The following PCDH9 variants were observed in gnomAD, a reference collection of about 807,000 sequenced individuals.
PCDH9 encodes the protein protocadherin 9, also known as protocadherin-9.
In PCDH9, 24 loss-of-function variants were observed where a neutral mutation model predicts 70.6. That is an observed-to-expected ratio of 0.34 (90% CI 0.25 to 0.48). The LOEUF (loss-of-function observed/expected upper bound fraction) is 0.48. Ranked by LOEUF, PCDH9 falls within the 20% of genes least tolerant of loss-of-function variation. The pLI, the probability that PCDH9 is intolerant of heterozygous loss-of-function variation, is 0.99. For missense variants in PCDH9, 1,281 were observed against 1,503.6 expected, an observed-to-expected ratio of 0.85 and a Z score of 2.45; for synonymous variants, 562 against 558.5, an observed-to-expected ratio of 1.01 and a Z score of -0.09.
intron 2 of PCDH9, among the ~76,000 whole-genome samples, chr13:66,926,119 C>T (rs2082714059): frequency 6.6e-6 from 1 of 151,862 alleles, no homozygotes; most frequent in African/African-American, 2.4e-5. Flanking sequence ...ACAACTTCTC[C>T]TGTTCCCTTT....
chr13:66,919,716 A>G (rs918952803), intron 2 of PCDH9, among the ~76,000 whole-genome samples: 5 of 151,102 alleles, frequency 3.3e-5, no homozygotes, highest in Non-Finnish European at 7.4e-5. Context: ...AGCAAGTGAT[A>G]AAACACTTAG....
intron 2 of PCDH9, among the ~76,000 whole-genome samples, chr13:67,170,957 G>A (rs1232026174): frequency 2.0e-5 from 3 of 151,986 alleles, no homozygotes; most frequent in Admixed American, 6.6e-5. Flanking sequence ...GAACCATGGA[G>A]AGAATTAAAA....
intron 3 of PCDH9, among the ~76,000 whole-genome samples, chr13:66,640,837 G>C (rs2077699306): frequency 6.6e-6 from 1 of 151,998 alleles, no homozygotes; most frequent in South Asian, 2.1e-4. Flanking sequence ...AACTGATCTT[G>C]TGTCACACAA....
intron 3 of PCDH9, among the ~76,000 whole-genome samples, chr13:66,865,017 C>A (rs1010603237): frequency 6.6e-6 from 1 of 152,090 alleles, no homozygotes; most frequent in African/African-American, 2.4e-5. Flanking sequence ...AAATCAAATT[C>A]TTCTCATTAA....
At chr13:67,116,839 C>CT (rs2086786486) in intron 2 of PCDH9, among the ~76,000 whole-genome samples, 1 of 152,122 alleles carries the variant, frequency 6.6e-6, no homozygotes, top group African/African-American at 2.4e-5. Context: ...ACAAACGCAC[C>CT]TTACAAATGC....
chr13:66,486,997 T>A (rs553616987), intron 4 of PCDH9, among the ~76,000 whole-genome samples: 2 of 152,238 alleles, frequency 1.3e-5, no homozygotes, highest in African/African-American at 4.8e-5. Flanking sequence ...ATACATAATT[T>A]TTTTTCACAT....
chr13:66,392,190 G>GA (rs34117132), intron 4 of PCDH9, among the ~76,000 whole-genome samples: 48 of 149,030 alleles, frequency 3.2e-4, no homozygotes, highest in African/African-American at 9.6e-4. Flanking sequence ...AGTGACTGGA[G>GA]AAAAAAAAAT....
intron 2 of PCDH9, among the ~76,000 whole-genome samples, chr13:67,098,815 A>G (rs1187300987): frequency 6.6e-6 from 1 of 152,160 alleles, no homozygotes; most frequent in Non-Finnish European, 1.5e-5. Context: ...AGAAAAGAAA[A>G]TAAACCAGTG....
chr13:66,823,005 A>G (rs771465676), intron 3 of PCDH9, among the ~76,000 whole-genome samples: 29 of 152,126 alleles, frequency 1.9e-4, no homozygotes, highest in Non-Finnish European at 2.9e-4. Context: ...ATTTTAATAG[A>G]TACAAATATT....
intron 4 of PCDH9, 51 bp downstream of exon 4, chr13:66,631,159 A>G (rs140557208): frequency 2.3e-4 from 202 of 883,854 alleles, no homozygotes; most frequent in Non-Finnish European, 3.6e-4. Context: ...GCTCAAGTGC[A>G]CTACAAAACC....
At chr13:66,440,454 A>G (rs1957951476) in intron 4 of PCDH9, among the ~76,000 whole-genome samples, 1 of 152,136 alleles carries the variant, frequency 6.6e-6, no homozygotes, top group Admixed American at 6.5e-5. Flanking sequence ...TGTGTAAAAA[A>G]TCTGTAATGA....
chr13:66,486,150 T>C (rs1451458377), intron 4 of PCDH9, among the ~76,000 whole-genome samples: 1 of 152,002 alleles, frequency 6.6e-6, no homozygotes, highest in African/African-American at 2.4e-5. Flanking sequence ...GACTAAAGAG[T>C]TTCAGTTGAG....
intron 2 of PCDH9, among the ~76,000 whole-genome samples, chr13:67,180,548 CT>C (rs2088588681): frequency 6.6e-6 from 1 of 152,126 alleles, no homozygotes; most frequent in South Asian, 2.1e-4. Flanking sequence ...CCCTAATTCA[CT>C]TTTTGTTATT....
chr13:66,830,210 A>G (rs566388656), intron 3 of PCDH9, among the ~76,000 whole-genome samples: 66 of 152,296 alleles, frequency 4.3e-4, no homozygotes, highest in African/African-American at 1.6e-3. Flanking sequence ...ATTCTCTTCA[A>G]TATAATGTGA....
intron 3 of PCDH9, among the ~76,000 whole-genome samples, chr13:66,764,588 TG>T: frequency 6.6e-6 from 1 of 152,062 alleles, no homozygotes; most frequent in Non-Finnish European, 1.5e-5. Flanking sequence ...TTAAATTGTC[TG>T]GTTTCTAAGA....
intron 2 of PCDH9, among the ~76,000 whole-genome samples, chr13:66,991,871 T>C (rs1487426818): frequency 6.6e-6 from 1 of 152,140 alleles, no homozygotes; most frequent in Non-Finnish European, 1.5e-5. Flanking sequence ...AAAATCATAG[T>C]GCATATTCAT....
chr13:66,927,376 G>A (rs559816597), intron 2 of PCDH9, among the ~76,000 whole-genome samples: 30 of 151,884 alleles, frequency 2.0e-4, no homozygotes, highest in Non-Finnish European at 4.0e-4. Context: ...CACACACTGG[G>A]GCCTCTTCGA....
chr13:66,452,516 G>C (rs1030742815), intron 4 of PCDH9, among the ~76,000 whole-genome samples: 3 of 151,748 alleles, frequency 2.0e-5, no homozygotes, highest in Non-Finnish European at 2.9e-5. Flanking sequence ...GAGTGCTTTG[G>C]AACTTACATG....
intron 2 of PCDH9, among the ~76,000 whole-genome samples, chr13:67,114,314 G>A (rs1440936084): frequency 3.3e-5 from 5 of 151,998 alleles, no homozygotes; most frequent in Non-Finnish European, 7.4e-5. Flanking sequence ...CTTTATACAT[G>A]AAAAGAATAA....
Sources: gnomAD v4.1 joint callset for allele counts (sites outside exome capture counted in the v4.1 genomes callset) on GRCh38, gnomAD v4.1.1 for gene constraint, MANE v1.5 for transcripts, NCBI Gene and HGNC (gene_info 2026-07-23, HGNC 2026-07-21) for gene names.